Variants in TRAM2 observed in about 807,000 individuals in gnomAD.
TRAM2 encodes the protein translocation associated membrane protein 2.
A neutral mutation model predicts 51.0 loss-of-function variants in TRAM2; 12 were observed. The ratio of observed to expected loss-of-function variants is 0.24; its 90% CI spans 0.15 to 0.38. The LOEUF is 0.38. Ranked by LOEUF, TRAM2 falls within the 10% of genes least tolerant of loss-of-function variation. The pLI is 1.00. For missense variants in TRAM2, 361 were observed against 462.0 expected (o/e 0.78, Z 2.00); for synonymous variants, 175 against 179.4 (o/e 0.98, Z 0.20).
At position 52,512,071 on chromosome 6, in the gene TRAM2, C is replaced by T. The variant is rs150909149; in HGVS notation, c.412-2485G>A. On this transcript the variant is annotated intron_variant, in intron 4 of 10. Coordinates refer to ENST00000182527, the MANE Select transcript of TRAM2 (RefSeq NM_012288.4). The stretch of plus-strand genomic sequence containing the variant: ...CATCAGCTCTCCTGCCCCAGGCTAC[C>T]TCATTCCAGGGACATCAGAAAGGTG... Among the ~76,000 whole-genome samples the T allele has an allele frequency of 3.6e-3, 547 of 152,262 alleles. 2 individuals are homozygous for T. Among genetic ancestry groups the T allele is most frequent in the Middle Eastern group, 0.01 (3 of 294 alleles).
chr6:52,526,192 C>G (rs1033621197), intron 2 of TRAM2, among the ~76,000 whole-genome samples: 10 of 116,118 alleles, frequency 8.6e-5, no homozygotes, highest in African/African-American at 2.5e-4. Context: ...CACACACACA[C>G]ACACACACAC....
chr6:52,531,833 T>C (rs1456430764), intron 2 of TRAM2, among the ~76,000 whole-genome samples: 1 of 151,922 alleles, frequency 6.6e-6, no homozygotes, highest in Non-Finnish European at 1.5e-5. Flanking sequence ...TAATTCATTG[T>C]TTACTTGTTT....
chr6:52,563,142 T>C (rs1767527179), intron 1 of TRAM2, among the ~76,000 whole-genome samples: 2 of 152,128 alleles, frequency 1.3e-5, no homozygotes, highest in South Asian at 2.1e-4. Flanking sequence ...CAAGTGTCCA[T>C]CAAAAGGGGA....
intron 1 of TRAM2, among the ~76,000 whole-genome samples, chr6:52,537,965 C>A (rs1767005073): frequency 6.6e-6 from 1 of 152,228 alleles, no homozygotes; most frequent in Non-Finnish European, 1.5e-5. Context: ...CTGAATCCAG[C>A]TCTGCCACAG....
chr6:52,557,860 C>T (rs1767436436), intron 1 of TRAM2, among the ~76,000 whole-genome samples: 1 of 152,142 alleles, frequency 6.6e-6, no homozygotes, highest in Admixed American at 6.6e-5. Context: ...ACACATACCC[C>T]TAATCTGGGA....
At chr6:52,575,994 G>A (rs1476144126) in intron 1 of TRAM2, among the ~76,000 whole-genome samples, 3 of 152,118 alleles carry the variant, frequency 2.0e-5, no homozygotes, top group African/African-American at 4.8e-5. Flanking sequence ...CTGGGAGGCC[G>A]ACACCAGGAC....
At chr6:52,549,524 T>A (rs867340913) in intron 1 of TRAM2, among the ~76,000 whole-genome samples, 1 of 152,178 alleles carries the variant, frequency 6.6e-6, no homozygotes, top group Admixed American at 6.5e-5. Context: ...ACAATTAAAT[T>A]TCATCAGTTA....
intron 2 of TRAM2, among the ~76,000 whole-genome samples, chr6:52,522,291 G>C (rs1194735531): frequency 6.6e-6 from 1 of 152,276 alleles, no homozygotes; most frequent in Non-Finnish European, 1.5e-5. Context: ...TGTCCCACAG[G>C]GGTGAGGGAG....
intron 2 of TRAM2, among the ~76,000 whole-genome samples, chr6:52,532,117 G>A (rs750353910): frequency 6.6e-6 from 1 of 152,210 alleles, no homozygotes; most frequent in Admixed American, 6.5e-5. Context: ...ATGCTGTTGT[G>A]AGAAGAATGC....
intron 1 of TRAM2, among the ~76,000 whole-genome samples, chr6:52,553,366 C>G (rs1008162787): frequency 2.0e-5 from 3 of 152,202 alleles, no homozygotes; most frequent in African/African-American, 7.2e-5. Context: ...AATAAAGAAA[C>G]AGTAAAGAAA....
intron 1 of TRAM2, among the ~76,000 whole-genome samples, chr6:52,559,455 A>G (rs562473814): frequency 1.3e-5 from 2 of 152,322 alleles, no homozygotes; most frequent in African/African-American, 4.8e-5. Context: ...ATGAGCAACG[A>G]GAGTCCTTAG....
intron 2 of TRAM2, among the ~76,000 whole-genome samples, chr6:52,535,331 G>A (rs1471757394): frequency 6.6e-6 from 1 of 152,218 alleles, no homozygotes; most frequent in Non-Finnish European, 1.5e-5. Context: ...AGCGGTTAAT[G>A]CTGCACCACT....
intron 1 of TRAM2, among the ~76,000 whole-genome samples, chr6:52,572,133 T>C (rs942117007): frequency 1.3e-5 from 2 of 152,200 alleles, no homozygotes; most frequent in Non-Finnish European, 2.9e-5. Flanking sequence ...GAGACATCTG[T>C]ACAGAAATCC....
In TRAM2 at chr6:52,576,933, G is replaced by T. The variant is rs1299857439; in HGVS notation, c.-18C>A. 1 of 1,599,352 alleles carries T rather than the reference G, an allele frequency of 6.3e-7. No individual in the cohort carries two copies. The highest frequency in any genetic ancestry group is 8.5e-7 in the Non-Finnish European group (1 of 1,174,090). ...AAAGCCATGGCAGCGGGCGCGCAGCGGCCGGCGGGGCCCGCACCCTGCGCT... is the reference window on the plus strand; with the variant it reads ...AAAGCCATGGCAGCGGGCGCGCAGCTGCCGGCGGGGCCCGCACCCTGCGCT... On this transcript the variant is annotated 5_prime_UTR_variant, in exon 1 of 11. Transcript: ENST00000182527.
chr6:52,556,859 C>T (rs1277834477), intron 1 of TRAM2, among the ~76,000 whole-genome samples: 9 of 148,514 alleles, frequency 6.1e-5, no homozygotes, highest in South Asian at 4.2e-4. Context: ...ACCCAGGAGG[C>T]GGAGGTTGCA....
chr6:52,515,681 T>G (rs1461985419), intron 4 of TRAM2, among the ~76,000 whole-genome samples: 1 of 152,232 alleles, frequency 6.6e-6, no homozygotes, highest in African/African-American at 2.4e-5. Flanking sequence ...GGGACAGTGT[T>G]TGTAGAAGAG....
intron 4 of TRAM2, among the ~76,000 whole-genome samples, chr6:52,514,255 T>A (rs1014688341): frequency 2.1e-5 from 3 of 145,508 alleles, no homozygotes; most frequent in Admixed American, 1.3e-4. Flanking sequence ...CAGAAAAATA[T>A]TATTTTTTTA....
In TRAM2 at chr6:52,570,796, C is replaced by CA. The variant is rs1554267147; in HGVS notation, c.120+5999_120+6000insT. Among the ~76,000 whole-genome samples the CA allele has an allele frequency of 9.3e-5, 4 of 43,084 alleles. 1 individual carries two copies. The highest frequency in any genetic ancestry group is 1.4e-4 in the Non-Finnish European group (2 of 13,894). 28.3% of individuals were successfully genotyped at this position (43,084 alleles called of 152,430 possible). On this transcript the variant is annotated intron_variant, in intron 1 of 10. Coordinates refer to ENST00000182527, the MANE Select transcript of TRAM2 (RefSeq NM_012288.4). Reference sequence around the variant, plus strand: ...CTGCCCCAATCCTCCCTGCCCACCACCCCCCCCCCCACACGCACACACACT... The same window carrying CA: ...CTGCCCCAATCCTCCCTGCCCACCACACCCCCCCCCCACACGCACACACACT...
At chr6:52,573,625 T>C (rs1460915011) in intron 1 of TRAM2, among the ~76,000 whole-genome samples, 1 of 151,156 alleles carries the variant, frequency 6.6e-6, no homozygotes, top group Non-Finnish European at 1.5e-5. Flanking sequence ...GCAATAGGGG[T>C]GAGTGGTGAG....
Sources: gnomAD v4.1 joint callset for allele counts (sites outside exome capture counted in the v4.1 genomes callset) on GRCh38, gnomAD v4.1.1 for gene constraint, MANE v1.5 for transcripts, NCBI Gene and HGNC (gene_info 2026-07-23, HGNC 2026-07-21) for gene names.